The following FAM117A variants were observed in gnomAD, a reference collection of about 807,000 sequenced individuals.
FAM117A encodes the protein family with sequence similarity 117 member A.
FAM117A carries 21 observed loss-of-function variants against 44.1 expected under a neutral mutation model. The ratio of observed to expected loss-of-function variants is 0.48; its 90% CI spans 0.34 to 0.69. The LOEUF (loss-of-function observed/expected upper bound fraction) is 0.69, where lower values mean the gene tolerates loss of function less well. FAM117A is among the 30% of genes least tolerant of loss of function. FAM117A has a pLI of 0.01. For missense variants in FAM117A, 498 were observed against 589.9 expected (o/e 0.84, Z 1.61); for synonymous variants, 220 against 238.3 (o/e 0.92, Z 0.71).
At chr17:49,774,683 T>C (rs2073771063) in intron 1 of FAM117A, among the ~76,000 whole-genome samples, 1 of 152,164 alleles carries the variant, frequency 6.6e-6, no homozygotes, top group Non-Finnish European at 1.5e-5. Flanking sequence ...TGTCAGCAAC[T>C]AGCACAAGCT....
At chr17:49,716,438 G>A (rs2073503892) in intron 6 of FAM117A, 123 bp from the exon 7 acceptor site, 3 of 813,228 alleles carry the variant, frequency 3.7e-6, no homozygotes, top group Non-Finnish European at 3.7e-6. Flanking sequence ...GGTAGCGGGT[G>A]TGCTTATCCA....
intron 1 of FAM117A, among the ~76,000 whole-genome samples, chr17:49,785,767 T>C (rs868102409): frequency 6.6e-6 from 1 of 152,230 alleles, no homozygotes; most frequent in African/African-American, 2.4e-5. Context: ...CATTACGCCC[T>C]ACTACCTTAC....
chr17:49,762,027 A>T (rs1460941814), intron 1 of FAM117A, among the ~76,000 whole-genome samples: 3 of 152,210 alleles, frequency 2.0e-5, no homozygotes, highest in Non-Finnish European at 1.5e-5. Flanking sequence ...CTAGCTTCCT[A>T]CATTTCTACC....
At position 49,711,286 on chromosome 17, in the gene FAM117A, G is replaced by A. The variant is rs781425818; in HGVS notation, c.1331C>T (p.Pro444Leu). The change falls in exon 8 of 8, where the codon CCT becomes CTT. Residue 444 changes from proline to leucine, a missense_variant. By Grantham distance (98) the Pro-to-Leu change is moderately conservative. This residue lies in a region of FAM117A where 224 missense variants were observed against 296.5 expected (regional missense o/e 0.76). Coordinates refer to ENST00000240364, the MANE Select transcript of FAM117A (RefSeq NM_030802.4). ...CATCAGGGAGCTCTGGAAAAGCACAGGCTCTTCTGATGGTGGGGTGCGCTG... is the reference window on the plus strand; with the variant it reads ...CATCAGGGAGCTCTGGAAAAGCACAAGCTCTTCTGATGGTGGGGTGCGCTG... ...PWQRTPPSEE[P>L]VLFQSSLMV The A allele has an allele frequency of 2.5e-6, 4 of 1,609,256 alleles. No individual in the cohort carries two copies. Among genetic ancestry groups the A allele is most frequent in the Non-Finnish European group, 3.4e-6 (4 of 1,177,216 alleles).
rs559819100 is a variant in FAM117A at position 49,734,170 on chromosome 17, G to A, written c.197-1450C>T. Among the ~76,000 whole-genome samples the A allele has an allele frequency of 4.3e-4, 65 of 150,044 alleles. No individual in the cohort carries two copies. The Middle Eastern group carries it at 0.014, about 32-fold the overall frequency. On this transcript the variant is annotated intron_variant, in intron 1 of 7. Transcript: ENST00000240364. ...AAAAAAAAAAAAAAAGACCTATAAA[G>A]GCTGTTGCATTTAAACAGAACAAAA...
chr17:49,715,618 C>A (rs1004338827), intron 7 of FAM117A, among the ~76,000 whole-genome samples: 2 of 152,192 alleles, frequency 1.3e-5, no homozygotes, highest in African/African-American at 4.8e-5. Flanking sequence ...ATAGTCCTTA[C>A]TTGCAAGGAC....
intron 1 of FAM117A, among the ~76,000 whole-genome samples, chr17:49,781,929 T>C (rs1239508800): frequency 6.6e-6 from 1 of 152,034 alleles, no homozygotes; most frequent in African/African-American, 2.4e-5. Context: ...TGAGAGGTGA[T>C]TGTGCCACTG....
chr17:49,747,057 AG>A (rs2073656986), intron 1 of FAM117A: 1 of 152,084 alleles, frequency 6.6e-6, no homozygotes. Flanking sequence ...CAACTATTAA[AG>A]GGTAAATAAG....
upstream of FAM117A, chr17:49,789,044 A>G (rs183269736): frequency 3.2e-5 from 14 of 438,774 alleles, no homozygotes; most frequent in African/African-American, 2.5e-4. Flanking sequence ...GCTTGCAACT[A>G]TTCCCGCCCT....
chr17:49,724,670 T>C (rs1411973393), intron 2 of FAM117A: 1 of 351,774 alleles, frequency 2.8e-6, no homozygotes, highest in Non-Finnish European at 5.6e-6. Flanking sequence ...CCGTCTCTAC[T>C]AAAAATAGAA....
chr17:49,727,027 A>G (rs1457212402), intron 2 of FAM117A, among the ~76,000 whole-genome samples: 5 of 152,038 alleles, frequency 3.3e-5, no homozygotes, highest in African/African-American at 1.2e-4. Flanking sequence ...TCTGGCCACA[A>G]CAGGGGTCAC....
At chr17:49,775,149 G>A (rs2073772190) in intron 1 of FAM117A, among the ~76,000 whole-genome samples, 1 of 151,926 alleles carries the variant, frequency 6.6e-6, no homozygotes, top group African/African-American at 2.4e-5. Flanking sequence ...CACCATGCCC[G>A]GCTAATTTTT....
chr17:49,769,656 G>C (rs2073755252), intron 1 of FAM117A, among the ~76,000 whole-genome samples: 1 of 152,014 alleles, frequency 6.6e-6, no homozygotes, highest in African/African-American at 2.4e-5. Flanking sequence ...AGTGAGCTGA[G>C]ATCGCGCCAC....
chr17:49,720,222 G>A, intron 4 of FAM117A, 104 bp downstream of exon 4: 2 of 891,794 alleles, frequency 2.2e-6, no homozygotes, highest in South Asian at 1.6e-5. Context: ...AGCATGCAGT[G>A]TGGTAGGGGG....
intron 1 of FAM117A, among the ~76,000 whole-genome samples, chr17:49,757,224 G>T (rs920478144): frequency 9.2e-5 from 14 of 152,108 alleles, no homozygotes; most frequent in African/African-American, 3.4e-4. Flanking sequence ...GGGCTCCTGA[G>T]CAAATCCACA....
intron 1 of FAM117A, among the ~76,000 whole-genome samples, chr17:49,771,136 G>A (rs1224047836): frequency 2.6e-5 from 4 of 152,200 alleles, no homozygotes; most frequent in Non-Finnish European, 4.4e-5. Context: ...GAACCTGGGA[G>A]GTGGAGGTTG....
At chr17:49,715,179 G>C (rs1193782870) in intron 7 of FAM117A, among the ~76,000 whole-genome samples, 3 of 152,140 alleles carry the variant, frequency 2.0e-5, no homozygotes, top group Non-Finnish European at 4.4e-5. Flanking sequence ...CTTCTCAGAG[G>C]ACCTAGGAGT....
chr17:49,740,249 A>ATT (rs879708249), intron 1 of FAM117A, among the ~76,000 whole-genome samples: 8 of 143,268 alleles, frequency 5.6e-5, no homozygotes, highest in Non-Finnish European at 6.2e-5. Context: ...TGGTAAGCAG[A>ATT]TTTTTTTTTT....
chr17:49,752,425 G>A (rs1276404417), intron 1 of FAM117A, among the ~76,000 whole-genome samples: 1 of 152,178 alleles, frequency 6.6e-6, no homozygotes, highest in Non-Finnish European at 1.5e-5. Context: ...AGAGGACTAA[G>A]CTATTATGGC....
Sources: allele counts gnomAD v4.1 joint callset (sites outside exome capture counted in the v4.1 genomes callset), GRCh38; gene constraint gnomAD v4.1.1; regional missense constraint gnomAD v4.1.1; transcripts MANE v1.5; gene names NCBI Gene and HGNC (gene_info 2026-07-23, HGNC 2026-07-21).